The following KALRN variants were observed in gnomAD, a reference collection of about 807,000 sequenced individuals.
The protein encoded by KALRN is kalirin RhoGEF kinase.
Under a neutral mutation model 353.7 loss-of-function variants are expected in KALRN, and 70 were observed. That is an observed-to-expected ratio of 0.20 (90% CI 0.16 to 0.24). KALRN has a LOEUF of 0.24. Among genes scored for constraint, KALRN ranks in the 10% least tolerant of loss-of-function variants. KALRN has a pLI of 1.00. For missense variants in KALRN, 2,791 were observed against 3,756.7 expected, an observed-to-expected ratio of 0.74 and a Z score of 6.72; for synonymous variants, 1,391 against 1,434.8, an observed-to-expected ratio of 0.97 and a Z score of 0.69.
At chr3:124,450,762 C>T (rs1485665251) in intron 21 of KALRN, among the ~76,000 whole-genome samples, 3 of 151,978 alleles carry the variant, frequency 2.0e-5, no homozygotes, top group African/African-American at 7.3e-5. Context: ...AGGGTTTCAC[C>T]ATGTTGGCCA....
Position 124,696,332 on chromosome 3 carries a change from A to G in KALRN, c.7699+77A>G, listed in dbSNP as rs1160682554. 14 of 1,427,144 alleles carry G rather than the reference A, an allele frequency of 9.8e-6. No homozygotes were observed. The South Asian group carries it at 1.4e-4, about 15-fold the overall frequency. The allele number at this position is 1,427,144 out of a possible 1,614,324, so 88.4% of individuals were successfully genotyped here. A position where few individuals can be genotyped will look rare whatever the true frequency, so the allele number is the denominator to read the frequency against. ...CAGGTTCTTGCTCTGCTGCCCAGGC[A>G]TGATCTCTGTTCATGGCAGCCTTGA... On this transcript the variant is annotated intron_variant, in intron 54 of 59. Coordinates refer to ENST00000682506, the MANE Select transcript of KALRN (RefSeq NM_001388419.1).
chr3:124,187,592 C>T (rs1213368480), intron 1 of KALRN, among the ~76,000 whole-genome samples: 1 of 152,122 alleles, frequency 6.6e-6, no homozygotes, highest in Non-Finnish European at 1.5e-5. Context: ...AGGAGAGAGG[C>T]CATGAATGGC....
intron 33 of KALRN, among the ~76,000 whole-genome samples, chr3:124,533,986 T>G (rs1052742107): frequency 2.0e-5 from 3 of 152,190 alleles, no homozygotes; most frequent in Admixed American, 6.5e-5. Context: ...GCACGTACCC[T>G]TGATATGATG....
chr3:124,157,973 T>C (rs756398825), intron 1 of KALRN, among the ~76,000 whole-genome samples: 4 of 152,154 alleles, frequency 2.6e-5, no homozygotes, highest in Admixed American at 1.3e-4. Context: ...CAGAGCACTG[T>C]TAAGGAGAAA....
intron 1 of KALRN, among the ~76,000 whole-genome samples, chr3:124,147,747 T>C (rs1210878206): frequency 6.6e-6 from 1 of 152,174 alleles, no homozygotes; most frequent in Non-Finnish European, 1.5e-5. Context: ...CCAAAGTGTA[T>C]CTGGAAGAGG....
intron 19 of KALRN, among the ~76,000 whole-genome samples, chr3:124,444,512 A>C (rs2093766675): frequency 6.6e-6 from 1 of 152,172 alleles, no homozygotes; most frequent in Admixed American, 6.5e-5. Flanking sequence ...TTGGACCCAA[A>C]AAAGGCTGAG....
chr3:124,617,373 T>C (rs1324545921), intron 34 of KALRN, among the ~76,000 whole-genome samples: 2 of 152,186 alleles, frequency 1.3e-5, no homozygotes, highest in African/African-American at 2.4e-5. Flanking sequence ...AATGCAAAGA[T>C]GGAGGAGACC....
In KALRN at chr3:124,120,741, TA is replaced by T. The variant is rs1560005088; in HGVS notation, c.73+86929del. On this transcript the variant is annotated intron_variant, in intron 1 of 59. Transcript: ENST00000682506. Reference sequence around the variant, plus strand: ...ATATATATATATATATATATATATATATATTTTCACATAATTAGCTAACTAT... The same window carrying T: ...ATATATATATATATATATATATATATTATTTTCACATAATTAGCTAACTAT... 3.0e-4 allele frequency among the ~76,000 whole-genome samples: 44 copies of T among 145,374 alleles called. No homozygotes were observed. The South Asian group carries it at 6.4e-3, about 21-fold the overall frequency.
At chr3:124,201,541 C>T (rs567902707) in intron 1 of KALRN, among the ~76,000 whole-genome samples, 2 of 151,906 alleles carry the variant, frequency 1.3e-5, no homozygotes, top group South Asian at 4.2e-4. Flanking sequence ...GAAATAGAAT[C>T]CTTTGGAAAA....
intron 1 of KALRN, among the ~76,000 whole-genome samples, chr3:124,174,431 C>T (rs2072363479): frequency 6.6e-6 from 1 of 152,038 alleles, no homozygotes; most frequent in African/African-American, 2.4e-5. Context: ...AAGACTCTGT[C>T]TTAAAAAAAG....
At chr3:124,508,105 T>C (rs1455547098) in intron 33 of KALRN, among the ~76,000 whole-genome samples, 2 of 152,212 alleles carry the variant, frequency 1.3e-5, no homozygotes, top group Non-Finnish European at 1.5e-5. Context: ...TATTCTTAAG[T>C]ACAAACATCT....
At chr3:124,170,719 T>C (rs953130828) in intron 1 of KALRN, among the ~76,000 whole-genome samples, 3 of 152,002 alleles carry the variant, frequency 2.0e-5, no homozygotes, top group Admixed American at 6.6e-5. Flanking sequence ...GACTTCTTAG[T>C]GCTGTCTGGC....
chr3:124,098,677 C>T (rs968169232), intron 1 of KALRN, among the ~76,000 whole-genome samples: 4 of 152,316 alleles, frequency 2.6e-5, no homozygotes, highest in East Asian at 1.9e-4. Context: ...CCTGGACTTG[C>T]GCCTACCTGT....
intron 6 of KALRN, among the ~76,000 whole-genome samples, chr3:124,306,033 C>A (rs1400062840): frequency 6.6e-6 from 1 of 152,102 alleles, no homozygotes. Context: ...AGCATAATTA[C>A]AATGTCCCCA....
Position 124,140,030 on chromosome 3 carries a change from G to A in KALRN, c.74-87960G>A, listed in dbSNP as rs77943756. Among the ~76,000 whole-genome samples the A allele has an allele frequency of 4.5e-3, 685 of 152,262 alleles. 2 individuals are homozygous for A. Among genetic ancestry groups the A allele is most frequent in the South Asian group, 0.014 (68 of 4,822 alleles). On this transcript the variant is annotated intron_variant, in intron 1 of 59. Coordinates refer to ENST00000682506, the MANE Select transcript of KALRN (RefSeq NM_001388419.1). ...TTGTCATATGGTAGTTCCACCAGCA[G>A]AGTTATCTCTCTTGTGACTTCTTTT...
Position 124,721,403 on chromosome 3 carries a change from G to A in KALRN, c.*1933G>A, listed in dbSNP as rs968563174. The A allele has an allele frequency of 2.0e-5, 3 of 152,048 alleles. No individual in the cohort carries two copies. The highest frequency in any genetic ancestry group is 4.1e-4 in the South Asian group (2 of 4,824). The allele number at this position is 152,048 out of a possible 1,614,324, so 9.4% of individuals were successfully genotyped here. On this transcript the variant is annotated 3_prime_UTR_variant, in exon 60 of 60. Coordinates refer to ENST00000682506, the MANE Select transcript of KALRN (RefSeq NM_001388419.1). ...AGCCTCACTCCCTCAGAGGTCTCTC[G>A]ACTAACCCCTATAGTCTTCATTTGG...
intron 22 of KALRN, among the ~76,000 whole-genome samples, chr3:124,456,294 C>T (rs906200647): frequency 6.6e-6 from 1 of 152,042 alleles, no homozygotes; most frequent in Non-Finnish European, 1.5e-5. Context: ...GACTAATTTA[C>T]GGGTGTGTTT....
chr3:124,285,628 C>T (rs1204512803), intron 5 of KALRN, among the ~76,000 whole-genome samples: 3 of 152,116 alleles, frequency 2.0e-5, no homozygotes, highest in South Asian at 2.1e-4. Context: ...CTCTGCCTCC[C>T]GGGTTCAAGT....
intron 34 of KALRN, among the ~76,000 whole-genome samples, chr3:124,589,628 G>A (rs1298218873): frequency 2.0e-5 from 3 of 152,100 alleles, no homozygotes; most frequent in Admixed American, 2.0e-4. Flanking sequence ...ACCATCCAGG[G>A]GATAAAATCC....
Sources: gnomAD v4.1 joint callset for allele counts (sites outside exome capture counted in the v4.1 genomes callset) on GRCh38, gnomAD v4.1.1 for gene constraint, MANE v1.5 for transcripts, NCBI Gene and HGNC (gene_info 2026-07-23, HGNC 2026-07-21) for gene names.